Variants in PTPRQ observed in about 807,000 individuals in gnomAD.
PTPRQ encodes the protein protein tyrosine phosphatase receptor type Q.
In PTPRQ, 199 loss-of-function variants were observed where a neutral mutation model predicts 246.0. That is an observed-to-expected ratio of 0.81 (90% CI 0.72 to 0.91). PTPRQ has a LOEUF of 0.91. PTPRQ is among the 40% of genes least tolerant of loss of function. PTPRQ has a pLI of 0.00. For missense variants in PTPRQ, 2,624 were observed against 2,528.4 expected (o/e 1.04, Z -0.81); for synonymous variants, 869 against 853.2 (o/e 1.02, Z -0.32).
intron 38 of PTPRQ, among the ~76,000 whole-genome samples, chr12:80,654,876 A>G (rs1783347852): frequency 6.6e-6 from 1 of 151,566 alleles, no homozygotes; most frequent in South Asian, 2.1e-4. Flanking sequence ...TAATAATAAT[A>G]ATTAATTTAT....
At chr12:80,489,990 G>GTCTTGTGCT (rs369818726) in intron 9 of PTPRQ, among the ~76,000 whole-genome samples, 1 of 151,678 alleles carries the variant, frequency 6.6e-6, no homozygotes, top group Admixed American at 6.6e-5. Flanking sequence ...AATGTAAGAA[G>GTCTTGTGCT]AAAGTCTTGT....
chr12:80,543,901 T>A (rs1896228212), intron 23 of PTPRQ, among the ~76,000 whole-genome samples: 1 of 152,168 alleles, frequency 6.6e-6, no homozygotes, highest in African/African-American at 2.4e-5. Flanking sequence ...CCTGGTTTAA[T>A]CTTAACATTA....
At chr12:80,483,805 G>C (rs1055091185) in intron 8 of PTPRQ, among the ~76,000 whole-genome samples, 7 of 151,568 alleles carry the variant, frequency 4.6e-5, no homozygotes, top group African/African-American at 1.7e-4. Flanking sequence ...TCATTGTTCA[G>C]CTCCCTCTTA....
chr12:80,550,097 A>C (rs1192800368), intron 25 of PTPRQ, among the ~76,000 whole-genome samples: 1 of 152,130 alleles, frequency 6.6e-6, no homozygotes, highest in East Asian at 1.9e-4. Context: ...ATGGAATTCT[A>C]GATGTTTTCC....
intron 8 of PTPRQ, among the ~76,000 whole-genome samples, chr12:80,480,224 C>G (rs559303385): frequency 1.7e-3 from 257 of 152,070 alleles, no homozygotes; most frequent in African/African-American, 6.0e-3. Flanking sequence ...GAATCTCACT[C>G]AAAACTGCTC....
At chr12:80,596,856 A>C (rs1287258657) in intron 26 of PTPRQ, among the ~76,000 whole-genome samples, 1 of 152,082 alleles carries the variant, frequency 6.6e-6, no homozygotes, top group Non-Finnish European at 1.5e-5. Context: ...CTAGTAAATC[A>C]ATTGAGATCC....
At chr12:80,634,742 G>GA (rs994439726) in intron 34 of PTPRQ, 85 of 662,530 alleles carry the variant, frequency 1.3e-4, no homozygotes, top group African/African-American at 2.1e-4. Flanking sequence ...TAACTTATTA[G>GA]AAAAAAAAGA....
rs757974291 is a variant in PTPRQ at position 80,619,518 on chromosome 12, C to A, written c.5365C>A (p.Gln1789Lys). 6.5e-7 allele frequency: 1 copy of A among 1,537,704 alleles called. No homozygotes were observed. Among genetic ancestry groups the A allele is most frequent in the South Asian group, 1.2e-5 (1 of 81,846 alleles). Residue 1789 changes from glutamine (Q) to lysine (K), a missense_variant, in exon 31 of 45, where the codon CAA becomes AAA. Transcript: ENST00000644991. ...SDDHGPIKNVQVLVTETGAQH... is the reference protein window; with the variant it reads ...SDDHGPIKNVKVLVTETGAQH... ...TGATCATGGACCAATAAAAAATGTA[C>A]AAGTGCTTGTGACAGAAACAGGAGG...
At chr12:80,481,395 A>G (rs1448295558) in intron 8 of PTPRQ, among the ~76,000 whole-genome samples, 3 of 152,176 alleles carry the variant, frequency 2.0e-5, no homozygotes, top group South Asian at 4.1e-4. Context: ...AGAGCCATCC[A>G]TGACAAACCC....
chr12:80,478,455 C>T (rs538347278), intron 8 of PTPRQ, among the ~76,000 whole-genome samples: 1 of 152,010 alleles, frequency 6.6e-6, no homozygotes, highest in Non-Finnish European at 1.5e-5. Context: ...AAACTGGAAA[C>T]TCTAAAAAGC....
At chr12:80,577,426 G>T (rs751171585) in intron 25 of PTPRQ, among the ~76,000 whole-genome samples, 35 of 152,236 alleles carry the variant, frequency 2.3e-4, no homozygotes, top group Non-Finnish European at 4.6e-4. Context: ...AGAACAGGAT[G>T]GGGGAAACCA....
chr12:80,636,574 C>A (rs1444360635), intron 35 of PTPRQ, among the ~76,000 whole-genome samples: 2 of 150,766 alleles, frequency 1.3e-5, no homozygotes, highest in African/African-American at 4.8e-5. Flanking sequence ...TATTCTACAA[C>A]TGAAAATGCA....
chr12:80,642,313 T>C (rs1453686869), intron 35 of PTPRQ, among the ~76,000 whole-genome samples: 1 of 152,196 alleles, frequency 6.6e-6, no homozygotes, highest in African/African-American at 2.4e-5. Flanking sequence ...CATTGAGTCC[T>C]TGCTCAGGGC....
At chr12:80,486,353 A>C (rs373249398) in intron 9 of PTPRQ, among the ~76,000 whole-genome samples, 18 of 152,144 alleles carry the variant, frequency 1.2e-4, no homozygotes, top group East Asian at 3.9e-4. Context: ...TTCTCTGATT[A>C]TATCTTTCTT....
intron 25 of PTPRQ, among the ~76,000 whole-genome samples, chr12:80,573,402 T>C (rs1284855007): frequency 1.3e-5 from 2 of 151,782 alleles, no homozygotes; most frequent in Non-Finnish European, 2.9e-5. Flanking sequence ...GGCAGGAGAA[T>C]GGCGTGAACC....
At chr12:80,649,787 C>T (rs1315717637) in intron 37 of PTPRQ, 118 bp downstream of exon 37, 1 of 1,352,082 alleles carries the variant, frequency 7.4e-7, no homozygotes, top group Non-Finnish European at 9.7e-7. Flanking sequence ...TAATCAATAC[C>T]CAATTACCAG....
chr12:80,678,515 G>A, intron 43 of PTPRQ, 87 bp from the exon 44 acceptor site: 2 of 1,386,712 alleles, frequency 1.4e-6, no homozygotes, highest in Non-Finnish European at 9.4e-7. Context: ...GATGAATTCA[G>A]TACTGCTTTT....
At chr12:80,459,722 T>A (rs1219500965) in intron 5 of PTPRQ, among the ~76,000 whole-genome samples, 1 of 152,146 alleles carries the variant, frequency 6.6e-6, no homozygotes, top group Non-Finnish European at 1.5e-5. Context: ...GGGATTAAAA[T>A]CATTTAGGGA....
intron 43 of PTPRQ, among the ~76,000 whole-genome samples, chr12:80,675,234 C>T (rs1445210710): frequency 6.6e-6 from 1 of 152,106 alleles, no homozygotes; most frequent in African/African-American, 2.4e-5. Context: ...TGTTTGCTGT[C>T]ACTGTCTTGA....
Sources: gnomAD v4.1 joint callset for allele counts (sites outside exome capture counted in the v4.1 genomes callset) on GRCh38, gnomAD v4.1.1 for gene constraint, MANE v1.5 for transcripts, NCBI Gene and HGNC (gene_info 2026-07-23, HGNC 2026-07-21) for gene names.